Variants in IFT57 observed in about 807,000 individuals in gnomAD.
The protein encoded by IFT57 is intraflagellar transport 57, also known as intraflagellar transport protein 57 homolog.
In IFT57, 59 loss-of-function variants were observed where a neutral mutation model predicts 56.8. The observed-to-expected ratio is 1.04, with a 90% confidence interval of 0.84 to 1.29. The LOEUF (loss-of-function observed/expected upper bound fraction) is 1.29, where lower values mean the gene tolerates loss of function less well. Ranked by LOEUF, IFT57 falls within the 50% of genes most tolerant of loss-of-function variation. The pLI, the probability that IFT57 is intolerant of heterozygous loss-of-function variation, is 0.00. For synonymous variants in IFT57, 209 were observed against 186.1 expected, an observed-to-expected ratio of 1.12 and a Z score of -1.00; for missense variants, 470 against 522.1, an observed-to-expected ratio of 0.90 and a Z score of 0.97.
chr3:108,162,911 G>A (rs769251184), intron 10 of IFT57, among the ~76,000 whole-genome samples: 2 of 152,036 alleles, frequency 1.3e-5, no homozygotes, highest in Non-Finnish European at 2.9e-5. Context: ...CTGCTAAACA[G>A]GTGTTTAAGG....
rs189904412 is a variant in IFT57, at chr3:108,177,915, T to G, written c.778-10051A>C. ...TTGATGTTATCTGCGAATGACATAATTATAAATCAGAAAAGTCAAAATAAC... is the reference window on the plus strand; with the variant it reads ...TTGATGTTATCTGCGAATGACATAAGTATAAATCAGAAAAGTCAAAATAAC... On this transcript the variant is annotated intron_variant, in intron 6 of 10. Transcript: ENST00000264538. Among the ~76,000 whole-genome samples the G allele has an allele frequency of 2.5e-3, 375 of 151,876 alleles. 4 individuals are homozygous for G. The highest frequency in any genetic ancestry group is 8.7e-3 in the African/African-American group (361 of 41,480).
chr3:108,203,320 T>C (rs2108322488), intron 5 of IFT57, among the ~76,000 whole-genome samples: 1 of 152,338 alleles, frequency 6.6e-6, no homozygotes, highest in East Asian at 1.9e-4. Context: ...CTCCAAACTG[T>C]CTCAGTGTTT....
At chr3:108,168,128 A>G (rs2080072195) in intron 6 of IFT57, among the ~76,000 whole-genome samples, 1 of 152,104 alleles carries the variant, frequency 6.6e-6, no homozygotes, top group Middle Eastern at 3.4e-3. Context: ...CTGGTGGTTA[A>G]TATTTATGAC....
intron 4 of IFT57, among the ~76,000 whole-genome samples, chr3:108,209,051 G>A (rs1316192412): frequency 1.3e-5 from 2 of 152,134 alleles, no homozygotes; most frequent in Non-Finnish European, 2.9e-5. Context: ...GCTTACTGAA[G>A]GCAAGGGGAA....
intron 5 of IFT57, among the ~76,000 whole-genome samples, chr3:108,196,273 CCCCTCTTTCTTT>C (rs1560116603): frequency 6.6e-6 from 1 of 152,058 alleles, no homozygotes; most frequent in East Asian, 1.9e-4. Flanking sequence ...TCATTTCCAA[CCCCTCTTTCTTT>C]CCCTCCTTAC....
chr3:108,161,892 G>T lies in IFT57; in HGVS notation c.*585C>A, dbSNP rs2080034488. On this transcript the variant is annotated 3_prime_UTR_variant, in exon 11 of 11. Transcript: ENST00000264538. The stretch of plus-strand genomic sequence containing the variant: ...CTTTTATTTAGTGGCTTAGATCCTA[G>T]AAGATAGATTCCCTATAAAATCATT... 6.6e-6 allele frequency: 1 copy of T among 152,138 alleles called. No homozygotes were observed. Among genetic ancestry groups the T allele is most frequent in the African/African-American group, 2.4e-5 (1 of 41,442 alleles). The allele number at this position is 152,138 out of a possible 1,614,324, so 9.4% of individuals were successfully genotyped here.
intron 6 of IFT57, 65 bp from the exon 7 acceptor site, chr3:108,167,929 T>C (rs2080071504): frequency 1.6e-6 from 2 of 1,258,460 alleles, no homozygotes; most frequent in African/African-American, 3.0e-5. Flanking sequence ...CCCTACTTCT[T>C]GTGAAGTTGT....
chr3:108,171,172 A>G (rs1007964552), intron 6 of IFT57, among the ~76,000 whole-genome samples: 3 of 151,856 alleles, frequency 2.0e-5, no homozygotes, highest in Admixed American at 6.6e-5. Flanking sequence ...GGTACTTCAA[A>G]TGTACCAATT....
intron 6 of IFT57, among the ~76,000 whole-genome samples, chr3:108,184,563 CACAA>C (rs575856739): frequency 2.2e-4 from 33 of 152,086 alleles, no homozygotes; most frequent in African/African-American, 7.5e-4. Flanking sequence ...AATTTATGCA[CACAA>C]ACACAGACTG....
At chr3:108,206,125 A>AAT (rs199566180) in intron 5 of IFT57, among the ~76,000 whole-genome samples, 13,149 of 139,190 alleles carry the variant, frequency 0.094, 692 homozygotes, top group East Asian at 0.1. Context: ...TGAATGTAAA[A>AAT]ATATATATCT....
At chr3:108,170,862 T>C (rs1338493124) in intron 6 of IFT57, among the ~76,000 whole-genome samples, 1 of 151,940 alleles carries the variant, frequency 6.6e-6, no homozygotes, top group African/African-American at 2.4e-5. Flanking sequence ...TCTACAACCA[T>C]CTGATCTTCG....
chr3:108,166,810 GGTT>G lies in IFT57; in HGVS notation c.981+41_981+43del, dbSNP rs763246978. 1.6e-5 allele frequency: 25 copies of G among 1,557,272 alleles called. No homozygotes were observed. The East Asian group carries it at 5.2e-4, about 32-fold the overall frequency. ...GTATTGTGTCAAGTTTAGGGTTTAG[GGTT>G]GTTAACTTGAATAAATCCTTGGAAA... On this transcript the variant is annotated intron_variant, in intron 8 of 10. Transcript: ENST00000264538.
chr3:108,219,502 TCAAC>T lies in IFT57; in HGVS notation c.279_282del (p.Trp93Ter), dbSNP rs2080392989. 1 of 1,613,932 alleles carries T rather than the reference TCAAC, an allele frequency of 6.2e-7. No homozygotes were observed. Among genetic ancestry groups the T allele is most frequent in the South Asian group, 1.1e-5 (1 of 91,084 alleles). On this transcript the variant is annotated frameshift_variant, in exon 2 of 11. Transcript: ENST00000264538. LOFTEE classifies it high-confidence loss of function. Reference sequence around the variant, plus strand: ...TCAAAGGGACGTCCCGCTTTATTAATCAACCAAGCAGCAAGAGTACAAAACATGT... The same window carrying T: ...TCAAAGGGACGTCCCGCTTTATTAATCAAGCAGCAAGAGTACAAAACATGT...
At chr3:108,175,000 T>C (rs1480802077) in intron 6 of IFT57, among the ~76,000 whole-genome samples, 2 of 151,884 alleles carry the variant, frequency 1.3e-5, no homozygotes, top group Non-Finnish European at 2.9e-5. Flanking sequence ...GATAGGCTAA[T>C]TGACTTTGGC....
At chr3:108,215,517 G>A (rs1256264755) in intron 3 of IFT57, among the ~76,000 whole-genome samples, 1 of 152,120 alleles carries the variant, frequency 6.6e-6, no homozygotes, top group Non-Finnish European at 1.5e-5. Context: ...CAGCCTGGGC[G>A]ACAGAGTGAG....
chr3:108,205,993 T>TAAA (rs2080309638), intron 5 of IFT57, among the ~76,000 whole-genome samples: 2 of 26,922 alleles, frequency 7.4e-5, no homozygotes, highest in Admixed American at 4.0e-4. Flanking sequence ...ATATAATATA[T>TAAA]TTATGTTATA....
At chr3:108,190,756 A>C (rs1322811618) in intron 6 of IFT57, among the ~76,000 whole-genome samples, 2 of 152,154 alleles carry the variant, frequency 1.3e-5, no homozygotes, top group Non-Finnish European at 2.9e-5. Flanking sequence ...CTAATCCCTA[A>C]ATCTTATTAA....
chr3:108,219,643 C>T (rs1439611756), intron 1 of IFT57, 71 bp from the exon 2 acceptor site: 2 of 1,439,696 alleles, frequency 1.4e-6, no homozygotes, highest in Non-Finnish European at 1.9e-6. Context: ...ACTAATAGGG[C>T]CGAATTCACA....
At chr3:108,192,525 A>C (rs1366683356) in intron 5 of IFT57, among the ~76,000 whole-genome samples, 2 of 152,082 alleles carry the variant, frequency 1.3e-5, no homozygotes, top group Non-Finnish European at 2.9e-5. Context: ...GTATGTATGG[A>C]TCTGAAAATA....
Sources: allele counts gnomAD v4.1 joint callset (sites outside exome capture counted in the v4.1 genomes callset), GRCh38; gene constraint gnomAD v4.1.1; transcripts MANE v1.5; gene names NCBI Gene and HGNC (gene_info 2026-07-23, HGNC 2026-07-21).